Variants in ARHGAP26 observed in about 807,000 individuals in gnomAD.
ARHGAP26 encodes rho GTPase-activating protein 26.
A neutral mutation model predicts 104.8 loss-of-function variants in ARHGAP26; 38 were observed. That is an observed-to-expected ratio of 0.36 (90% CI 0.28 to 0.48). ARHGAP26 has a LOEUF of 0.48. Among genes scored for constraint, ARHGAP26 ranks in the 20% least tolerant of loss-of-function variants. The pLI is 0.99. For synonymous variants in ARHGAP26, 341 were observed against 340.0 expected (o/e 1.00, Z -0.03); for missense variants, 704 against 947.9 (o/e 0.74, Z 3.38).
At chr5:142,978,445 A>G (rs1006358793) in intron 11 of ARHGAP26, among the ~76,000 whole-genome samples, 2 of 152,208 alleles carry the variant, frequency 1.3e-5, no homozygotes, top group African/African-American at 2.4e-5. Flanking sequence ...CATCATTGAC[A>G]TAACCAATCT....
intron 20 of ARHGAP26, among the ~76,000 whole-genome samples, chr5:143,172,186 A>C (rs1335050966): frequency 6.6e-6 from 1 of 152,202 alleles, no homozygotes; most frequent in East Asian, 1.9e-4. Context: ...CTGTACATGC[A>C]TGCGTGTGTT....
rs1599593417 is a variant in ARHGAP26 at position 143,224,593 on chromosome 5, G to C, written c.*2147G>C. On this transcript the variant is annotated 3_prime_UTR_variant, in exon 23 of 23. Transcript: ENST00000645722. ...CAGAAAGAGATGAGTCAGTTGCTGTGCTCTTTACTTCTTTTTCTCCACATC... is the reference window on the plus strand; with the variant it reads ...CAGAAAGAGATGAGTCAGTTGCTGTCCTCTTTACTTCTTTTTCTCCACATC... The C allele has an allele frequency of 4.3e-6, 1 of 231,298 alleles. No homozygotes were observed. Among genetic ancestry groups the C allele is most frequent in the East Asian group, 6.1e-5 (1 of 16,306 alleles). The allele number at this position is 231,298 out of a possible 1,614,324, so 14.3% of individuals were successfully genotyped here.
At chr5:143,215,792 G>A (rs1810251812) in intron 22 of ARHGAP26, among the ~76,000 whole-genome samples, 2 of 152,348 alleles carry the variant, frequency 1.3e-5, no homozygotes, top group East Asian at 3.9e-4. Flanking sequence ...ATTGTAGCAT[G>A]TCAGAACCTT....
chr5:142,770,812 C>T lies in ARHGAP26; in HGVS notation c.51C>T (p.His17=). The change falls in exon 1 of 23, where the codon CAC becomes CAT. Residue 17 remains histidine (H), a synonymous_variant. Coordinates refer to ENST00000645722, the MANE Select transcript of ARHGAP26 (RefSeq NM_001135608.3). ...EFSDCCLDSP[H]FRETLKSHEA... is the part of the protein sequence containing the mutation. The stretch of plus-strand genomic sequence containing the variant: ...GCGACTGCTGCCTCGATAGTCCGCA[C>T]TTCCGAGAGACGCTCAAGTCGCACG... The T allele has an allele frequency of 4.4e-6, 7 of 1,606,512 alleles. No homozygotes were observed. Among genetic ancestry groups the T allele is most frequent in the Non-Finnish European group, 5.9e-6 (7 of 1,176,480 alleles).
chr5:142,879,800 G>A (rs1031262489), intron 4 of ARHGAP26, among the ~76,000 whole-genome samples: 14 of 152,132 alleles, frequency 9.2e-5, no homozygotes, highest in Admixed American at 2.6e-4. Flanking sequence ...ATTTGTTTTC[G>A]TGGAATTGTA....
At chr5:143,024,445 A>C (rs1202239315) in intron 12 of ARHGAP26, among the ~76,000 whole-genome samples, 1 of 152,062 alleles carries the variant, frequency 6.6e-6, no homozygotes, top group Admixed American at 6.5e-5. Context: ...AGCAGGTGTG[A>C]GCCACCCGTT....
At chr5:143,051,461 G>A (rs1343057483) in intron 14 of ARHGAP26, among the ~76,000 whole-genome samples, 1 of 152,156 alleles carries the variant, frequency 6.6e-6, no homozygotes, top group African/African-American at 2.4e-5. Context: ...GGGACATGGT[G>A]GAGAGAAGTG....
chr5:142,772,336 T>C (rs1157999870), intron 1 of ARHGAP26, among the ~76,000 whole-genome samples: 1 of 152,228 alleles, frequency 6.6e-6, no homozygotes, highest in Non-Finnish European at 1.5e-5. Context: ...ACCCTTCCTT[T>C]GTCAATAATC....
In ARHGAP26 at chr5:142,927,909, G is replaced by C. The variant is rs79687497; in HGVS notation, c.1029-4138G>C. ...GGTTTTAATCACATTTCCCTCATAA[G>C]TAATCAGTTTGGGCTCTATTTCTTA... is the stretch of plus-strand genomic sequence containing the variant. On this transcript the variant is annotated intron_variant, in intron 10 of 22. Transcript: ENST00000645722. Among the ~76,000 whole-genome samples, 579 of 152,262 alleles carry C rather than the reference G, an allele frequency of 3.8e-3. 1 individual carries two copies. Among genetic ancestry groups the C allele is most frequent in the Non-Finnish European group, 6.9e-3 (467 of 68,018 alleles).
intron 11 of ARHGAP26, among the ~76,000 whole-genome samples, chr5:142,986,544 A>G (rs918326312): frequency 6.6e-6 from 1 of 151,982 alleles, no homozygotes; most frequent in African/African-American, 2.4e-5. Context: ...TTTTGTTGCT[A>G]TTGCTTTTGG....
At chr5:142,949,207 GAGAGAGA>G (rs1360090290) in intron 11 of ARHGAP26, among the ~76,000 whole-genome samples, 18 of 57,550 alleles carry the variant, frequency 3.1e-4, no homozygotes, top group East Asian at 4.0e-3. Flanking sequence ...GAGAGAGAGA[GAGAGAGA>G]GAGAGAGGAG....
At chr5:143,184,603 A>C (rs905270071) in intron 20 of ARHGAP26, among the ~76,000 whole-genome samples, 12 of 152,168 alleles carry the variant, frequency 7.9e-5, no homozygotes, top group African/African-American at 2.7e-4. Flanking sequence ...AGAAGAGGCT[A>C]AGGGAGAACA....
chr5:142,873,567 T>A, intron 2 of ARHGAP26, 72 bp downstream of exon 2: 1 of 1,064,260 alleles, frequency 9.4e-7, no homozygotes, highest in Non-Finnish European at 1.3e-6. Flanking sequence ...AGCAGAGCCT[T>A]TTCCCTGAGA....
chr5:142,907,848 C>T (rs1761313484), intron 9 of ARHGAP26, 44 bp downstream of exon 9: 7 of 1,399,364 alleles, frequency 5.0e-6, no homozygotes, highest in Non-Finnish European at 7.1e-6. Flanking sequence ...GCTTGGCTAA[C>T]ATATAATGAT....
intron 1 of ARHGAP26, among the ~76,000 whole-genome samples, chr5:142,861,510 A>G (rs1378802775): frequency 1.3e-5 from 2 of 152,156 alleles, no homozygotes; most frequent in Admixed American, 6.5e-5. Context: ...TCCAGGGATC[A>G]GGTGGATTCA....
intron 1 of ARHGAP26, among the ~76,000 whole-genome samples, chr5:142,785,654 G>T (rs539252535): frequency 3.4e-4 from 52 of 152,312 alleles, no homozygotes; most frequent in Non-Finnish European, 5.4e-4. Flanking sequence ...CAGGGTTTCA[G>T]CTTTAACCAT....
chr5:143,161,841 A>T (rs1162909553), intron 20 of ARHGAP26, among the ~76,000 whole-genome samples: 1 of 152,222 alleles, frequency 6.6e-6, no homozygotes, highest in Non-Finnish European at 1.5e-5. Flanking sequence ...GATAGAAATC[A>T]TTCTGGGTTT....
chr5:143,180,135 T>G (rs1392270738), intron 20 of ARHGAP26, among the ~76,000 whole-genome samples: 3 of 152,240 alleles, frequency 2.0e-5, no homozygotes, highest in African/African-American at 4.8e-5. Flanking sequence ...CTTTTTTTTG[T>G]TTTGTTTTGA....
chr5:142,876,096 G>T (rs572516265), intron 3 of ARHGAP26, among the ~76,000 whole-genome samples: 1 of 152,256 alleles, frequency 6.6e-6, no homozygotes, highest in Non-Finnish European at 1.5e-5. Context: ...TCTACAGGAA[G>T]TTCCTTTGCA....
Sources: gnomAD v4.1 joint callset for allele counts (sites outside exome capture counted in the v4.1 genomes callset) on GRCh38, gnomAD v4.1.1 for gene constraint, MANE v1.5 for transcripts, NCBI Gene and HGNC (gene_info 2026-07-23, HGNC 2026-07-21) for gene names.